The following GPR161 variants were observed in gnomAD, a reference collection of about 807,000 sequenced individuals.
GPR161 encodes the protein G-protein coupled receptor RE2.
In GPR161, 25 loss-of-function variants were observed where a neutral mutation model predicts 39.2. The observed-to-expected ratio is 0.64, with a 90% CI of 0.47 to 0.89. The LOEUF (loss-of-function observed/expected upper bound fraction) is 0.89, where lower values mean the gene tolerates loss of function less well. Among genes scored for constraint, GPR161 ranks in the 40% least tolerant of loss-of-function variants. The probability of loss-of-function intolerance (pLI) is 0.00; values close to 1 mark genes in which losing one functional copy is unlikely to be tolerated. For synonymous variants in GPR161, 286 were observed against 276.6 expected (o/e 1.03, Z -0.34); for missense variants, 547 against 677.8 (o/e 0.81, Z 2.14).
In GPR161 at chr1:168,102,898, T is replaced by C. The variant is rs1696242006; in HGVS notation, c.374+1579A>G. Among the ~76,000 whole-genome samples, 3 of 151,658 alleles carry C rather than the reference T, an allele frequency of 2.0e-5. No homozygotes were observed. The East Asian group carries it at 5.8e-4, about 29-fold the overall frequency. On this transcript the variant is annotated intron_variant, in intron 2 of 5. Transcript: ENST00000682931. ...CATTCCTCCCCACTGCCAACAAACT[T>C]CCAAACTTTTTTTTAAAAAAAAATT...
chr1:168,136,762 T>G lies in GPR161; in HGVS notation c.-68A>C, dbSNP rs111778137. 52,322 of 990,272 alleles carry G rather than the reference T, an allele frequency of 0.053. 1,568 individuals carry two copies. The highest frequency in any genetic ancestry group is 0.057 in the Non-Finnish European group (47,385 of 834,358). The allele number at this position is 990,272 out of a possible 1,614,324, so 61.3% of individuals were successfully genotyped here. Reference sequence around the variant, plus strand: ...ACCGAGGAGCGGCCGCCGCGGCAGCTCAGGCCCCGGCCCAGCCGCCTCCCC... The same window carrying G: ...ACCGAGGAGCGGCCGCCGCGGCAGCGCAGGCCCCGGCCCAGCCGCCTCCCC... On this transcript the variant is annotated 5_prime_UTR_variant, in exon 1 of 6. Coordinates refer to ENST00000682931, the MANE Select transcript of GPR161 (RefSeq NM_001375883.1).
intron 5 of GPR161, among the ~76,000 whole-genome samples, chr1:168,086,934 C>G (rs374102023): frequency 6.6e-6 from 1 of 152,166 alleles, no homozygotes; most frequent in Non-Finnish European, 1.5e-5. Context: ...TGAAGAGCCT[C>G]CTTACATCGG....
rs532206645 is a variant in GPR161 at position 168,115,190 on chromosome 1, G to T, written c.-44-10296C>A. Among the ~76,000 whole-genome samples the T allele has an allele frequency of 3.2e-4, 48 of 152,296 alleles. No individual in the cohort carries two copies. In the Middle Eastern group the frequency reaches 0.014, roughly 43 times the overall value. ...GGTGAATTCATCCACAAATGCTGAT[G>T]AAAGGACTTAAGATTCTGAATCTTA... On this transcript the variant is annotated intron_variant, in intron 1 of 5. Transcript: ENST00000682931.
At chr1:168,106,864 TC>T (rs1407115973) in intron 1 of GPR161, among the ~76,000 whole-genome samples, 1 of 152,244 alleles carries the variant, frequency 6.6e-6, no homozygotes, top group Non-Finnish European at 1.5e-5. Context: ...GGAGATACTT[TC>T]TAGGTGTGCC....
In GPR161 at chr1:168,104,676, G is replaced by A; in HGVS notation, c.175C>T (p.Leu59Phe). 1.9e-6 allele frequency: 3 copies of A among 1,613,824 alleles called. No homozygotes were observed. Among genetic ancestry groups the A allele is most frequent in the South Asian group, 2.2e-5 (2 of 91,070 alleles). Reference sequence around the variant, plus strand: ...AAGACGAACTTGTTGCTGAGGGTGAGGAGGTAGGACTTCTTGTACAAGGTG... The same window carrying A: ...AAGACGAACTTGTTGCTGAGGGTGAAGAGGTAGGACTTCTTGTACAAGGTG... Reference protein sequence around the residue: ...VVTLYKKSYLLTLSNKFVFSL... With the variant: ...VVTLYKKSYLFTLSNKFVFSL... The change falls in exon 2 of 6, where the codon CTC becomes TTC. Residue 59 changes from leucine (L) to phenylalanine (F), a missense_variant. Coordinates refer to ENST00000682931, the MANE Select transcript of GPR161 (RefSeq NM_001375883.1).
intron 2 of GPR161, among the ~76,000 whole-genome samples, chr1:168,097,956 C>T (rs1695714206): frequency 6.6e-6 from 1 of 152,236 alleles, no homozygotes. Context: ...CCCAGCAATT[C>T]TGTGTAAGCC....
At chr1:168,091,620 A>G (rs74122628) in intron 3 of GPR161, among the ~76,000 whole-genome samples, 4,527 of 152,258 alleles carry the variant, frequency 0.03, 242 homozygotes, top group African/African-American at 0.1. Context: ...AAGGATCACT[A>G]GACATTTAAA....
chr1:168,132,302 T>C (rs1440496612), intron 1 of GPR161, among the ~76,000 whole-genome samples: 1 of 150,044 alleles, frequency 6.7e-6, no homozygotes, highest in Non-Finnish European at 1.5e-5. Flanking sequence ...TGAAATGGTC[T>C]CCAAGCCGGG....
At chr1:168,117,234 A>G (rs1697707143) in intron 1 of GPR161, among the ~76,000 whole-genome samples, 1 of 152,232 alleles carries the variant, frequency 6.6e-6, no homozygotes, top group African/African-American at 2.4e-5. Flanking sequence ...AGATTCCTTG[A>G]GAATTTTATC....
intron 1 of GPR161, among the ~76,000 whole-genome samples, chr1:168,113,037 C>T (rs1697351136): frequency 6.6e-6 from 1 of 152,134 alleles, no homozygotes; most frequent in Admixed American, 6.5e-5. Context: ...GGCACAAGCC[C>T]CAGCAAATCC....
chr1:168,097,262 G>C (rs1695648695), intron 2 of GPR161, 30 bp from the exon 3 acceptor site: 1 of 1,584,976 alleles, frequency 6.3e-7, no homozygotes, highest in South Asian at 1.1e-5. Flanking sequence ...AGGCAAGAGA[G>C]AGAAGTCAGC....
At chr1:168,106,644 A>G (rs1319480844) in intron 1 of GPR161, among the ~76,000 whole-genome samples, 1 of 152,224 alleles carries the variant, frequency 6.6e-6, no homozygotes, top group African/African-American at 2.4e-5. Flanking sequence ...GTGATTGACT[A>G]AACCCCAAAG....
At chr1:168,123,500 C>G (rs1227993652) in intron 1 of GPR161, among the ~76,000 whole-genome samples, 1 of 148,550 alleles carries the variant, frequency 6.7e-6, no homozygotes, top group Non-Finnish European at 1.5e-5. Context: ...CTATCTATAT[C>G]TATCTATATA....
chr1:168,136,643 C>G (rs1699400145), intron 1 of GPR161, 96 bp downstream of exon 1: 1 of 1,213,416 alleles, frequency 8.2e-7, no homozygotes, highest in Middle Eastern at 3.2e-4. Context: ...GGCCCGCGCC[C>G]TGAGCCCTCA....
intron 2 of GPR161, 72 bp downstream of exon 2, chr1:168,104,405 G>C: frequency 7.6e-7 from 1 of 1,313,856 alleles, no homozygotes; most frequent in South Asian, 1.3e-5. Context: ...AACTAAGGCA[G>C]TCAGAGGGAC....
chr1:168,136,199 G>A, intron 1 of GPR161: 1 of 1,275,922 alleles, frequency 7.8e-7, no homozygotes, highest in Non-Finnish European at 9.9e-7. Flanking sequence ...GCCACCCGCC[G>A]CCCGCCCAGG....
rs1694387965 is a variant in GPR161 at position 168,085,489 on chromosome 1, G to C, written c.*42C>G. ...AGGCGGTGATGGGAACTCCTCCCCG[G>C]GCCAGCCTCTCAGGCTGCAGCCCCA... On this transcript the variant is annotated 3_prime_UTR_variant, in exon 6 of 6. Coordinates refer to ENST00000682931, the MANE Select transcript of GPR161 (RefSeq NM_001375883.1). 1 of 1,577,396 alleles carries C rather than the reference G, an allele frequency of 6.3e-7. No homozygotes were observed. Among genetic ancestry groups the C allele is most frequent in the Non-Finnish European group, 8.6e-7 (1 of 1,156,120 alleles).
At chr1:168,119,904 A>C (rs1698019888) in intron 1 of GPR161, among the ~76,000 whole-genome samples, 1 of 152,036 alleles carries the variant, frequency 6.6e-6, no homozygotes, top group South Asian at 2.1e-4. Flanking sequence ...TAGATGTCAG[A>C]GGATGTATGG....
intron 4 of GPR161, 75 bp downstream of exon 4, chr1:168,090,489 G>T: frequency 1.2e-6 from 1 of 821,470 alleles, no homozygotes; most frequent in East Asian, 2.6e-5. Context: ...GCCTGCACAG[G>T]GGAAACGCGA....
Sources: allele counts gnomAD v4.1 joint callset (sites outside exome capture counted in the v4.1 genomes callset), GRCh38; gene constraint gnomAD v4.1.1; transcripts MANE v1.5; gene names NCBI Gene and HGNC (gene_info 2026-07-23, HGNC 2026-07-21).